USP32: variants seen among roughly 807,000 people sequenced by gnomAD.
The protein encoded by USP32 is ubiquitin carboxyl-terminal hydrolase 32.
In USP32, 59 loss-of-function variants were observed where a neutral mutation model predicts 204.8. That is an observed-to-expected ratio of 0.29 (90% CI 0.23 to 0.36). USP32 has a LOEUF of 0.36. USP32 is among the 10% of genes least tolerant of loss of function. The pLI, the probability that USP32 is intolerant of heterozygous loss-of-function variation, is 1.00. For synonymous variants in USP32, 517 were observed against 678.4 expected, an observed-to-expected ratio of 0.76 and a Z score of 3.70; for missense variants, 1,160 against 1,946.4, an observed-to-expected ratio of 0.60 and a Z score of 7.60.
chr17:60,376,631 C>T (rs1022054724), intron 1 of USP32, among the ~76,000 whole-genome samples: 1 of 151,932 alleles, frequency 6.6e-6, no homozygotes, highest in Admixed American at 6.6e-5. Context: ...TCAAGCAATT[C>T]TCCTGCCTTA....
intron 2 of USP32, among the ~76,000 whole-genome samples, chr17:60,332,369 C>T (rs1014529700): frequency 1.3e-5 from 2 of 152,000 alleles, no homozygotes; most frequent in African/African-American, 4.8e-5. Flanking sequence ...TACTCTGGGC[C>T]GGACGCGGTG....
rs146054672 is a variant in USP32 at position 60,346,236 on chromosome 17, C to T, written c.59-628G>A. 2.9e-3 allele frequency among the ~76,000 whole-genome samples: 448 copies of T among 152,048 alleles called. 2 individuals are homozygous for T. The highest frequency in any genetic ancestry group is 0.021 in the East Asian group (108 of 5,176). ...CTGAGATTAAAAGCATGAGCCAGCA[C>T]GCCAAGCCAAAATTCTTAACATTCA... On this transcript the variant is annotated intron_variant, in intron 1 of 33. Coordinates refer to ENST00000300896, the MANE Select transcript of USP32 (RefSeq NM_032582.4).
Position 60,345,684 on chromosome 17 carries a change from T to G in USP32, c.59-76A>C, listed in dbSNP as rs906968301. Reference sequence around the variant, plus strand: ...GTCTCATAATTTTTTTCAACCTGGCTCCTAAGAAAAATTGAGGCTAGGCAC... The same window carrying G: ...GTCTCATAATTTTTTTCAACCTGGCGCCTAAGAAAAATTGAGGCTAGGCAC... On this transcript the variant is annotated intron_variant, in intron 1 of 33. Coordinates refer to ENST00000300896, the MANE Select transcript of USP32 (RefSeq NM_032582.4). The G allele has an allele frequency of 4.4e-6, 7 of 1,597,800 alleles. No individual in the cohort carries two copies. In the Admixed American group the frequency reaches 6.8e-5, roughly 15 times the overall value.
At chr17:60,277,356 C>T (rs2086864035) in intron 5 of USP32, among the ~76,000 whole-genome samples, 1 of 152,180 alleles carries the variant, frequency 6.6e-6, no homozygotes, top group Admixed American at 6.5e-5. Flanking sequence ...TACAGTAACA[C>T]ATTTCTTTAA....
chr17:60,266,102 G>C lies in USP32; in HGVS notation c.812-11C>G, dbSNP rs199764317. ...ATACCTTGAAGCAAACTAATGAAAA[G>C]AAACTCTTATGGAGGAAAATCATTT... On this transcript the variant is annotated splice_polypyrimidine_tract_variant and intron_variant, in intron 7 of 33. Coordinates refer to ENST00000300896, the MANE Select transcript of USP32 (RefSeq NM_032582.4). 1 of 1,599,684 alleles carries C rather than the reference G, an allele frequency of 6.3e-7. No individual in the cohort carries two copies.
At chr17:60,238,850 T>G (rs1339733252) in intron 11 of USP32, among the ~76,000 whole-genome samples, 9 of 149,568 alleles carry the variant, frequency 6.0e-5, no homozygotes, top group African/African-American at 2.0e-4. Context: ...TGCACGCCTG[T>G]GGTCCCAGCT....
At chr17:60,347,351 ATTTT>A (rs372941030) in intron 1 of USP32, among the ~76,000 whole-genome samples, 2 of 131,204 alleles carry the variant, frequency 1.5e-5, no homozygotes, top group African/African-American at 2.9e-5. Context: ...CACCTGGCTC[ATTTT>A]TTTTTTTTTT....
chr17:60,265,791 C>A (rs1290092888), intron 8 of USP32, among the ~76,000 whole-genome samples, 185 bp downstream of exon 8: 1 of 152,120 alleles, frequency 6.6e-6, no homozygotes, highest in African/African-American at 2.4e-5. Context: ...TTACATAGTT[C>A]AGTTTAAGAT....
intron 9 of USP32, among the ~76,000 whole-genome samples, chr17:60,261,441 G>A (rs973412787): frequency 6.6e-6 from 1 of 152,082 alleles, no homozygotes; most frequent in African/African-American, 2.4e-5. Context: ...AAGGTCAGGA[G>A]TTTGAGACCA....
chr17:60,377,503 T>C (rs777094200), intron 1 of USP32, among the ~76,000 whole-genome samples: 24 of 152,186 alleles, frequency 1.6e-4, no homozygotes, highest in Non-Finnish European at 2.5e-4. Flanking sequence ...AAAGGTTAAA[T>C]TTCAGAATTC....
intron 1 of USP32, among the ~76,000 whole-genome samples, chr17:60,383,340 T>A (rs1051637731): frequency 6.6e-6 from 1 of 152,154 alleles, no homozygotes; most frequent in South Asian, 2.1e-4. Flanking sequence ...CCTGTCTTTA[T>A]TTTTTACCCC....
intron 27 of USP32, among the ~76,000 whole-genome samples, chr17:60,193,180 C>T (rs1474949590): frequency 6.6e-6 from 1 of 152,158 alleles, no homozygotes; most frequent in Non-Finnish European, 1.5e-5. Context: ...TAAGGGAGTC[C>T]ATGTGGCCCA....
intron 1 of USP32, among the ~76,000 whole-genome samples, chr17:60,369,223 T>A (rs2089387926): frequency 7.3e-6 from 1 of 137,650 alleles, no homozygotes; most frequent in Non-Finnish European, 1.5e-5. Flanking sequence ...CTCGATCTCC[T>A]GACCTCGTGA....
chr17:60,355,756 C>T (rs184951432), intron 1 of USP32, among the ~76,000 whole-genome samples: 1 of 149,184 alleles, frequency 6.7e-6, no homozygotes, highest in Admixed American at 6.8e-5. Flanking sequence ...GGATCACTAG[C>T]GCCTGGGAGG....
chr17:60,181,808 C>A, intron 31 of USP32, 60 bp from the exon 32 acceptor site: 1 of 1,560,522 alleles, frequency 6.4e-7, no homozygotes, highest in South Asian at 1.2e-5. Flanking sequence ...AAGCCAGCCC[C>A]AAATGCTACC....
rs1167638654 is a variant in USP32, at chr17:60,181,717, G to A, written c.4155C>T (p.Thr1385=). The part of the protein sequence containing the change: ...GSPSSSRKSG[T]SCPSSKNSSP... ...TGCTGTTTTTGCTGGAGGGACAGCTGGTTCCACTTTTTCTTGATGAAGAAG... is the reference window on the plus strand; with the variant it reads ...TGCTGTTTTTGCTGGAGGGACAGCTAGTTCCACTTTTTCTTGATGAAGAAG... The change falls in exon 32 of 34, where the codon ACC becomes ACT. Residue 1385 remains threonine, a synonymous_variant. Transcript: ENST00000300896. 7 of 1,608,528 alleles carry A rather than the reference G, an allele frequency of 4.4e-6. No individual in the cohort carries two copies. The highest frequency in any genetic ancestry group is 2.7e-5 in the African/African-American group (2 of 74,642).
intron 1 of USP32, among the ~76,000 whole-genome samples, chr17:60,375,215 A>C (rs12937919): frequency 3.6e-4 from 55 of 152,268 alleles, no homozygotes; most frequent in Admixed American, 9.2e-4. Flanking sequence ...TTCTTACCCT[A>C]TATATCTATA....
chr17:60,234,438 T>A (rs934601467), intron 12 of USP32, among the ~76,000 whole-genome samples: 39 of 149,962 alleles, frequency 2.6e-4, no homozygotes, highest in South Asian at 2.4e-3. Context: ...TAAAAAAAAA[T>A]TTTTTTGGAC....
chr17:60,185,907 A>G, intron 29 of USP32: 1 of 353,822 alleles, frequency 2.8e-6, no homozygotes, highest in Non-Finnish European at 5.2e-6. Context: ...GTAAAAGAAA[A>G]ATCTAAAAAT....
Sources: gnomAD v4.1 joint callset for allele counts (sites outside exome capture counted in the v4.1 genomes callset) on GRCh38, gnomAD v4.1.1 for gene constraint, MANE v1.5 for transcripts, NCBI Gene and HGNC (gene_info 2026-07-23, HGNC 2026-07-21) for gene names.